MACROD2: variants seen among roughly 807,000 people sequenced by gnomAD.
MACROD2 encodes the protein mono-ADP ribosylhydrolase 2, also known as ADP-ribose glycohydrolase MACROD2.
A neutral mutation model predicts 70.4 loss-of-function variants in MACROD2; 36 were observed. The ratio of observed to expected loss-of-function variants is 0.51; its 90% CI spans 0.39 to 0.68. The LOEUF (loss-of-function observed/expected upper bound fraction) is 0.68. MACROD2 is among the 30% of genes least tolerant of loss of function. The pLI is 0.00. For synonymous variants in MACROD2, 172 were observed against 178.8 expected (o/e 0.96, Z 0.30); for missense variants, 496 against 538.4 (o/e 0.92, Z 0.78).
Position 14,009,418 on chromosome 20 carries a change from T to A in MACROD2, c.163+7014T>A, listed in dbSNP as rs145013210. Among the ~76,000 whole-genome samples, 963 of 152,282 alleles carry A rather than the reference T, an allele frequency of 6.3e-3. 16 individuals are homozygous for A. The highest frequency in any genetic ancestry group is 0.034 in the Admixed American group (515 of 15,282). ...GCAAATGCAAATCAAAACCACAATG[T>A]GATACCAACTCACACCAGTCTGAAT... On this transcript the variant is annotated intron_variant, in intron 2 of 17. Coordinates refer to ENST00000684519, the MANE Select transcript of MACROD2 (RefSeq NM_001351661.2).
intron 5 of MACROD2, chr20:15,196,939 T>TA: frequency 2.0e-6 from 2 of 985,436 alleles, no homozygotes; most frequent in Non-Finnish European, 1.2e-6. Flanking sequence ...AAAAAACCTT[T>TA]AAAAATTGGA....
At chr20:14,700,159 C>T (rs548368609) in intron 5 of MACROD2, among the ~76,000 whole-genome samples, 3 of 151,912 alleles carry the variant, frequency 2.0e-5, no homozygotes, top group Non-Finnish European at 2.9e-5. Flanking sequence ...ATTAAAGGAG[C>T]AGTATGAATA....
At chr20:14,239,773 A>G (rs904886091) in intron 3 of MACROD2, among the ~76,000 whole-genome samples, 6 of 152,210 alleles carry the variant, frequency 3.9e-5, no homozygotes, top group African/African-American at 7.2e-5. Flanking sequence ...CACAGGCCCT[A>G]AAGATTTCAT....
chr20:14,650,713 AT>A (rs781171774), intron 4 of MACROD2, among the ~76,000 whole-genome samples: 2 of 152,150 alleles, frequency 1.3e-5, no homozygotes, highest in African/African-American at 2.4e-5. Flanking sequence ...AAATGATTAG[AT>A]TTTTTGAGGG....
At chr20:15,231,645 A>G (rs1364115775) in intron 6 of MACROD2, among the ~76,000 whole-genome samples, 1 of 152,054 alleles carries the variant, frequency 6.6e-6, no homozygotes, top group Non-Finnish European at 1.5e-5. Flanking sequence ...TAATAGAGAA[A>G]GGAATCTCTA....
chr20:14,535,988 G>A (rs944139885), intron 4 of MACROD2, among the ~76,000 whole-genome samples: 37 of 152,210 alleles, frequency 2.4e-4, no homozygotes, highest in African/African-American at 8.9e-4. Flanking sequence ...AATGGAAACA[G>A]GCCTGTTGGT....
chr20:15,873,600 G>A (rs2064617949), intron 9 of MACROD2, among the ~76,000 whole-genome samples: 1 of 151,862 alleles, frequency 6.6e-6, no homozygotes, highest in African/African-American at 2.4e-5. Context: ...TGGTTTCCCA[G>A]TTTGTCATTT....
At chr20:14,738,029 T>A (rs2071688361) in intron 5 of MACROD2, among the ~76,000 whole-genome samples, 1 of 152,130 alleles carries the variant, frequency 6.6e-6, no homozygotes, top group African/African-American at 2.4e-5. Context: ...ATAGTTGCTA[T>A]ATACATATTT....
At chr20:15,978,091 T>C (rs1413191659) in intron 13 of MACROD2, among the ~76,000 whole-genome samples, 1 of 152,182 alleles carries the variant, frequency 6.6e-6, no homozygotes, top group Non-Finnish European at 1.5e-5. Flanking sequence ...GCAAATCACA[T>C]GGACATCTTG....
chr20:14,633,309 C>A (rs1292560108), intron 4 of MACROD2, among the ~76,000 whole-genome samples: 1 of 152,178 alleles, frequency 6.6e-6, no homozygotes, highest in Non-Finnish European at 1.5e-5. Flanking sequence ...TTGCTAAGAC[C>A]CTTTTTCCAC....
chr20:14,256,018 C>T (rs2082053597), intron 3 of MACROD2, among the ~76,000 whole-genome samples: 2 of 151,682 alleles, frequency 1.3e-5, no homozygotes, highest in South Asian at 4.1e-4. Flanking sequence ...AGTTTTTTCC[C>T]ATTTTGTCTG....
chr20:14,181,486 G>GT (rs1203516559), intron 3 of MACROD2, among the ~76,000 whole-genome samples: 3 of 151,868 alleles, frequency 2.0e-5, no homozygotes, highest in Non-Finnish European at 4.4e-5. Flanking sequence ...TCAAGATACA[G>GT]TTCACGTACC....
chr20:14,596,412 C>CATATATATATATATATATATATATATAT (rs5840627), intron 4 of MACROD2, among the ~76,000 whole-genome samples: 5 of 143,026 alleles, frequency 3.5e-5, no homozygotes, highest in African/African-American at 1.3e-4. Flanking sequence ...ATTTTTTAAA[C>CATATATATATATATATATATATATATAT]ATATATATAT....
chr20:14,064,695 TC>T (rs2053734903), intron 2 of MACROD2, among the ~76,000 whole-genome samples: 1 of 152,226 alleles, frequency 6.6e-6, no homozygotes, highest in East Asian at 1.9e-4. Flanking sequence ...CCATTTAGGC[TC>T]CCTTTCAATC....
At chr20:14,423,488 A>G (rs913388672) in intron 3 of MACROD2, among the ~76,000 whole-genome samples, 1 of 151,730 alleles carries the variant, frequency 6.6e-6, no homozygotes, top group African/African-American at 2.4e-5. Context: ...TCACGAGGTC[A>G]GGAGATCGAG....
intron 3 of MACROD2, among the ~76,000 whole-genome samples, chr20:14,492,909 G>T (rs1001628776): frequency 6.6e-6 from 1 of 151,908 alleles, no homozygotes; most frequent in Non-Finnish European, 1.5e-5. Context: ...TGTGTGTGCG[G>T]GGTTAATAAA....
chr20:15,244,110 G>A (rs2077084739), intron 6 of MACROD2, among the ~76,000 whole-genome samples: 1 of 151,908 alleles, frequency 6.6e-6, no homozygotes, highest in Admixed American at 6.6e-5. Flanking sequence ...GTTTATTTAT[G>A]TCTATTATAT....
At chr20:15,833,566 C>T (rs375135688) in intron 8 of MACROD2, among the ~76,000 whole-genome samples, 15 of 152,192 alleles carry the variant, frequency 9.9e-5, no homozygotes, top group South Asian at 6.2e-4. Context: ...GATTGAGAAA[C>T]GTGCTTTGAG....
chr20:14,164,406 A>C (rs1040067281), intron 3 of MACROD2, among the ~76,000 whole-genome samples: 3 of 152,072 alleles, frequency 2.0e-5, no homozygotes, highest in African/African-American at 7.2e-5. Flanking sequence ...GTGGGTCCAG[A>C]AAGGCCTATT....
Sources: gnomAD v4.1 joint callset for allele counts (sites outside exome capture counted in the v4.1 genomes callset) on GRCh38, gnomAD v4.1.1 for gene constraint, MANE v1.5 for transcripts, NCBI Gene and HGNC (gene_info 2026-07-23, HGNC 2026-07-21) for gene names.